LEPR: variants seen among roughly 807,000 people sequenced by gnomAD.
LEPR encodes the protein leptin receptor.
LEPR carries 56 observed loss-of-function variants against 114.7 expected under a neutral mutation model. The observed-to-expected ratio is 0.49, with a 90% confidence interval of 0.39 to 0.61. The LOEUF (loss-of-function observed/expected upper bound fraction) is 0.61. LEPR is among the 20% of genes least tolerant of loss of function. The pLI is 0.00. For missense variants in LEPR, 1,202 were observed against 1,352.9 expected, an observed-to-expected ratio of 0.89 and a Z score of 1.75; for synonymous variants, 443 against 461.4, an observed-to-expected ratio of 0.96 and a Z score of 0.51.
At chr1:65,614,688 C>T (rs901918626) in intron 14 of LEPR, among the ~76,000 whole-genome samples, 1 of 152,030 alleles carries the variant, frequency 6.6e-6, no homozygotes, top group African/African-American at 2.4e-5. Context: ...ATCCATGTGG[C>T]AATGAATTAG....
chr1:65,443,168 C>A (rs1646670790), intron 2 of LEPR, among the ~76,000 whole-genome samples: 1 of 152,062 alleles, frequency 6.6e-6, no homozygotes, highest in South Asian at 2.1e-4. Context: ...AGAATCTATA[C>A]ACTATTAGAA....
intron 19 of LEPR, among the ~76,000 whole-genome samples, chr1:65,626,878 A>G (rs1486519412): frequency 6.6e-6 from 1 of 152,012 alleles, no homozygotes; most frequent in East Asian, 1.9e-4. Flanking sequence ...CAAGTGATCC[A>G]CCCACCTCAG....
chr1:65,452,879 G>A (rs1247416170), intron 2 of LEPR, among the ~76,000 whole-genome samples: 2 of 152,112 alleles, frequency 1.3e-5, no homozygotes, highest in African/African-American at 4.8e-5. Flanking sequence ...TGTACCTCTG[G>A]TAGAATTCGG....
At chr1:65,508,297 T>C (rs1648860890) in intron 2 of LEPR, among the ~76,000 whole-genome samples, 1 of 152,236 alleles carries the variant, frequency 6.6e-6, no homozygotes, top group Admixed American at 6.5e-5. Context: ...CTAGGTTTTC[T>C]TCTAGTAGTT....
chr1:65,434,344 T>C (rs1057303310), intron 2 of LEPR: 4 of 985,218 alleles, frequency 4.1e-6, no homozygotes, highest in East Asian at 1.1e-4. Flanking sequence ...TTGTACAATA[T>C]ATTTGGAGAT....
At chr1:65,524,086 C>T (rs1649781530) in intron 2 of LEPR, among the ~76,000 whole-genome samples, 2 of 152,188 alleles carry the variant, frequency 1.3e-5, no homozygotes, top group African/African-American at 4.8e-5. Context: ...CTGCTGACAC[C>T]TTGATTTTGG....
At chr1:65,615,673 A>G (rs1657484154) in intron 14 of LEPR, among the ~76,000 whole-genome samples, 1 of 152,184 alleles carries the variant, frequency 6.6e-6, no homozygotes, top group South Asian at 2.1e-4. Flanking sequence ...TCATTTCTCT[A>G]AAATTAGAGT....
Position 65,572,316 on chromosome 1 carries a change from T to A in LEPR, c.371-10T>A, listed in dbSNP as rs952771125. The A allele has an allele frequency of 2.1e-6, 3 of 1,427,398 alleles. No homozygotes were observed. Among genetic ancestry groups the A allele is most frequent in the Non-Finnish European group, 2.8e-6 (3 of 1,075,072 alleles). 88.4% of individuals were successfully genotyped at this position (1,427,398 alleles called of 1,614,324 possible). On this transcript the variant is annotated splice_polypyrimidine_tract_variant and intron_variant, in intron 4 of 19. Coordinates refer to ENST00000349533, the MANE Select transcript of LEPR (RefSeq NM_002303.6). ...TTTTTTTTTTTTTTTTTTTTTTTTT[T>A]TAAATTCAGATGCAAACTGGAACAT...
chr1:65,441,244 G>T (rs186879595), intron 2 of LEPR, among the ~76,000 whole-genome samples: 47 of 152,322 alleles, frequency 3.1e-4, no homozygotes, highest in African/African-American at 1.1e-3. Flanking sequence ...ATAACCACTT[G>T]AGTGTCTGTC....
chr1:65,480,903 G>C (rs924484011), intron 2 of LEPR, among the ~76,000 whole-genome samples: 1 of 152,126 alleles, frequency 6.6e-6, no homozygotes. Flanking sequence ...AAAATGTTTT[G>C]AACAACTAGC....
chr1:65,534,282 C>T (rs1176548404), intron 2 of LEPR, among the ~76,000 whole-genome samples: 3 of 152,054 alleles, frequency 2.0e-5, no homozygotes, highest in South Asian at 2.1e-4. Context: ...TCAGTAACTA[C>T]TGTGGAAGTT....
intron 3 of LEPR, 59 bp downstream of exon 3, chr1:65,565,664 T>G (rs1286591896): frequency 3.8e-6 from 6 of 1,583,412 alleles, no homozygotes; most frequent in East Asian, 2.2e-5. Context: ...GATTTTGCCT[T>G]TAGAGATGCT....
chr1:65,605,999 C>T (rs1322093132), intron 11 of LEPR, among the ~76,000 whole-genome samples: 2 of 151,852 alleles, frequency 1.3e-5, no homozygotes, highest in Non-Finnish European at 2.9e-5. Context: ...ATAAAATATT[C>T]CTCAGTAGGA....
intron 2 of LEPR, among the ~76,000 whole-genome samples, chr1:65,426,795 G>T (rs747791356): frequency 2.0e-5 from 3 of 151,942 alleles, no homozygotes. Flanking sequence ...TCAAGAGATC[G>T]AGACCATCCT....
intron 5 of LEPR, among the ~76,000 whole-genome samples, chr1:65,587,044 A>T (rs1655361115): frequency 6.6e-6 from 1 of 152,056 alleles, no homozygotes; most frequent in Non-Finnish European, 1.5e-5. Flanking sequence ...GTGTATTTAG[A>T]AAAGGATGGC....
At chr1:65,446,465 G>A (rs887645821) in intron 2 of LEPR, among the ~76,000 whole-genome samples, 2 of 152,174 alleles carry the variant, frequency 1.3e-5, no homozygotes, top group African/African-American at 2.4e-5. Context: ...ATGTGGGTTT[G>A]GGTGGGTTTT....
intron 2 of LEPR, chr1:65,434,653 C>T: frequency 1.0e-6 from 1 of 985,390 alleles, no homozygotes; most frequent in Non-Finnish European, 1.2e-6. Context: ...TGCAACTTTC[C>T]ACCCCTTTTC....
At chr1:65,596,174 A>T (rs566471104) in intron 6 of LEPR, among the ~76,000 whole-genome samples, 1 of 152,250 alleles carries the variant, frequency 6.6e-6, no homozygotes, top group East Asian at 1.9e-4. Flanking sequence ...TACAAGGGGA[A>T]ATCACATTTA....
intron 5 of LEPR, among the ~76,000 whole-genome samples, chr1:65,579,351 G>A (rs1289965994): frequency 6.6e-6 from 1 of 152,202 alleles, no homozygotes; most frequent in Non-Finnish European, 1.5e-5. Context: ...AAGTGACCCA[G>A]CAGGGAGAGA....
Sources: gnomAD v4.1 joint callset for allele counts (sites outside exome capture counted in the v4.1 genomes callset) on GRCh38, gnomAD v4.1.1 for gene constraint, MANE v1.5 for transcripts, NCBI Gene and HGNC (gene_info 2026-07-23, HGNC 2026-07-21) for gene names.